Variants in LNPK observed in about 807,000 individuals in gnomAD.
The protein encoded by LNPK is lunapark, ER junction formation factor, also known as endoplasmic reticulum junction formation protein lunapark.
In LNPK, 29 loss-of-function variants were observed where a neutral mutation model predicts 55.2. The observed-to-expected ratio is 0.53, with a 90% confidence interval of 0.39 to 0.72. The LOEUF is 0.72. LNPK is among the 30% of genes least tolerant of loss of function. The pLI is 0.00. For synonymous variants in LNPK, 162 were observed against 168.2 expected (o/e 0.96, Z 0.29); for missense variants, 467 against 494.8 (o/e 0.94, Z 0.53).
intron 2 of LNPK, chr2:175,994,013 T>C (rs2885116): frequency 0.17 from 36,499 of 209,626 alleles, 3,608 homozygotes; most frequent in South Asian, 0.4. Context: ...GCAGATCAGA[T>C]TTTAAAAGGA....
rs79455880 is a variant in LNPK, at chr2:175,969,837, C to T, written c.357+927G>A. Among the ~76,000 whole-genome samples the T allele has an allele frequency of 5.3e-3, 800 of 152,274 alleles. 5 individuals carry two copies. Among genetic ancestry groups the T allele is most frequent in the African/African-American group, 0.016 (680 of 41,566 alleles). ...CACAGGACACCCAATAAGGAGCAAA[C>T]AAAGCTAAGGAATCCTTTCAAAATT... On this transcript the variant is annotated intron_variant, in intron 6 of 12. Coordinates refer to ENST00000272748, the MANE Select transcript of LNPK (RefSeq NM_030650.3).
intron 5 of LNPK, among the ~76,000 whole-genome samples, chr2:175,972,596 T>C: frequency 6.6e-6 from 1 of 152,186 alleles, no homozygotes; most frequent in East Asian, 1.9e-4. Context: ...TTTCACTTAA[T>C]TGAGGTTCAA....
intron 4 of LNPK, among the ~76,000 whole-genome samples, chr2:175,983,407 C>T (rs187047079): frequency 6.6e-6 from 1 of 152,232 alleles, no homozygotes; most frequent in East Asian, 1.9e-4. Flanking sequence ...TCTAGTTAGC[C>T]TGGAACACAG....
At chr2:175,963,622 G>A (rs1272476044) in intron 8 of LNPK, among the ~76,000 whole-genome samples, 1 of 152,056 alleles carries the variant, frequency 6.6e-6, no homozygotes, top group African/African-American at 2.4e-5. Context: ...GTTAGTGGGT[G>A]CAGTGCACCA....
At chr2:175,954,651 A>G (rs1685601149) in intron 8 of LNPK, among the ~76,000 whole-genome samples, 1 of 152,282 alleles carries the variant, frequency 6.6e-6, no homozygotes. Context: ...TTAATAATTT[A>G]TTTTTGATCT....
At chr2:175,978,178 TA>T (rs1687000215) in intron 5 of LNPK, among the ~76,000 whole-genome samples, 2 of 152,136 alleles carry the variant, frequency 1.3e-5, no homozygotes. Flanking sequence ...ATAACAACAA[TA>T]AAAAATACAA....
intron 4 of LNPK, among the ~76,000 whole-genome samples, chr2:175,991,552 T>C (rs755390600): frequency 3.3e-5 from 5 of 152,204 alleles, no homozygotes; most frequent in African/African-American, 4.8e-5. Flanking sequence ...AATGCTCCCA[T>C]AGCATTTTAC....
In LNPK at chr2:175,929,987, C is replaced by G. The variant is rs753685427; in HGVS notation, c.1267G>C (p.Glu423Gln). The G allele has an allele frequency of 1.2e-6, 2 of 1,613,944 alleles. No individual in the cohort carries two copies. The highest frequency in any genetic ancestry group is 4.5e-5 in the East Asian group (2 of 44,858). Reference protein sequence around the residue: ...DSIPDPELSGESLTAE With the variant: ...DSIPDPELSGQSLTAE ...ATTTACTACTCTGCCGTCAAAGATT[C>G]TCCACTTAGTTCAGGATCAGGAATA... Residue 423 changes from glutamate to glutamine, a missense_variant, in exon 13 of 13, where the codon GAA (glutamate) becomes CAA (glutamine). Glu to Gln is a conservative substitution (Grantham distance 29). Transcript: ENST00000272748.
At chr2:175,939,177 C>G (rs1052848110) in intron 10 of LNPK, among the ~76,000 whole-genome samples, 1 of 152,034 alleles carries the variant, frequency 6.6e-6, no homozygotes, top group African/African-American at 2.4e-5. Context: ...TAAATACATG[C>G]AAATTGCTCT....
rs903350552 is a variant in LNPK at position 175,930,071 on chromosome 2, T to C, written c.1183A>G (p.Thr395Ala). Reference protein sequence around the residue: ...DSEEPEEKQETENEEASVIET... With the variant: ...DSEEPEEKQEAENEEASVIET... Reference sequence around the variant, plus strand: ...ATCACTGAGGCTTCCTCATTCTCAGTCTCTTGTTTCTCCTCTGGTTCCTCT... The same window carrying C: ...ATCACTGAGGCTTCCTCATTCTCAGCCTCTTGTTTCTCCTCTGGTTCCTCT... The change falls in exon 13 of 13, where the codon ACT becomes GCT. Residue 395 changes from threonine (T) to alanine (A), a missense_variant. Thr to Ala is a moderately conservative substitution (Grantham distance 58, BLOSUM62 0). Transcript: ENST00000272748. The C allele has an allele frequency of 6.8e-6, 11 of 1,613,976 alleles. No individual in the cohort carries two copies. The highest frequency in any genetic ancestry group is 9.3e-6 in the Non-Finnish European group (11 of 1,179,990).
At chr2:175,981,026 T>C (rs1036416280) in intron 4 of LNPK, among the ~76,000 whole-genome samples, 1 of 152,058 alleles carries the variant, frequency 6.6e-6, no homozygotes, top group African/African-American at 2.4e-5. Flanking sequence ...AATATAAGTA[T>C]GAAAATTAGT....
intron 4 of LNPK, among the ~76,000 whole-genome samples, chr2:175,991,758 G>A (rs1430757782): frequency 6.6e-6 from 1 of 152,104 alleles, no homozygotes; most frequent in Non-Finnish European, 1.5e-5. Flanking sequence ...GTCATGATAC[G>A]CCTCCTATAC....
At chr2:175,967,652 A>T (rs1386151988) in intron 6 of LNPK, 1 of 984,770 alleles carries the variant, frequency 1.0e-6, no homozygotes, top group African/African-American at 1.7e-5. Flanking sequence ...TCATGCTGAA[A>T]ATACTGTCTG....
rs114670902 is a variant in LNPK, at chr2:175,993,815, A to T, written c.28-592T>A. 5.6e-3 allele frequency among the ~76,000 whole-genome samples: 854 copies of T among 152,218 alleles called. 7 individuals are homozygous for T. The highest frequency in any genetic ancestry group is 0.02 in the African/African-American group (812 of 41,528). ...CTCAAAAAAAAAATTAAATTAAATTAAAAAATTTAAAAAACACACGTTTTC... is the reference window on the plus strand; with the variant it reads ...CTCAAAAAAAAAATTAAATTAAATTTAAAAATTTAAAAAACACACGTTTTC... On this transcript the variant is annotated intron_variant, in intron 2 of 12. Transcript: ENST00000272748.
At chr2:175,996,711 A>G (rs543752989) in intron 1 of LNPK, among the ~76,000 whole-genome samples, 1 of 152,296 alleles carries the variant, frequency 6.6e-6, no homozygotes, top group African/African-American at 2.4e-5. Flanking sequence ...TCTCCCTGAC[A>G]TTGTATACAA....
chr2:175,958,050 G>A lies in LNPK; in HGVS notation c.493+6322C>T, dbSNP rs1574846267. ...TGAGGCTTGAGTAGGTAAGCAAAGG[G>A]GCCAGGAAGCTCGAACTGGGTGGAG... is the stretch of plus-strand genomic sequence containing the variant. On this transcript the variant is annotated intron_variant, in intron 8 of 12. Transcript: ENST00000272748. Among the ~76,000 whole-genome samples the A allele has an allele frequency of 1.3e-5, 2 of 152,200 alleles. 1 individual carries two copies. The highest frequency in any genetic ancestry group is 1.3e-4 in the Admixed American group (2 of 15,288).
chr2:175,941,853 A>AC lies in LNPK; in HGVS notation c.707-2197_707-2196insG, dbSNP rs1361975773. On this transcript the variant is annotated intron_variant, in intron 9 of 12. Transcript: ENST00000272748. Reference sequence around the variant, plus strand: ...AGAGAAATCTTAAAAAAAAAAAACAAAAAAAAAATACATTATGTACAGAGA... The same window carrying AC: ...AGAGAAATCTTAAAAAAAAAAAACAACAAAAAAAATACATTATGTACAGAGA... Among the ~76,000 whole-genome samples the AC allele has an allele frequency of 3.8e-4, 40 of 105,688 alleles. No individual in the cohort carries two copies. The Middle Eastern group carries it at 0.021, about 56-fold the overall frequency. 69.3% of individuals were successfully genotyped at this position (105,688 alleles called of 152,430 possible).
intron 1 of LNPK, among the ~76,000 whole-genome samples, chr2:175,999,538 CTCCTT>C (rs1688083619): frequency 6.6e-6 from 1 of 152,208 alleles, no homozygotes; most frequent in African/African-American, 2.4e-5. Context: ...TAATCCATCT[CTCCTT>C]TCTTTCAAAT....
intron 4 of LNPK, among the ~76,000 whole-genome samples, chr2:175,986,959 A>G (rs1445731692): frequency 6.6e-6 from 1 of 151,678 alleles, no homozygotes; most frequent in East Asian, 1.9e-4. Context: ...AAAATAAAAA[A>G]TATCAAACAA....
Sources: gnomAD v4.1 joint callset for allele counts (sites outside exome capture counted in the v4.1 genomes callset) on GRCh38, gnomAD v4.1.1 for gene constraint, MANE v1.5 for transcripts, NCBI Gene and HGNC (gene_info 2026-07-23, HGNC 2026-07-21) for gene names.